XPC: variants seen among roughly 807,000 people sequenced by gnomAD.
The protein encoded by XPC is XPC complex subunit, DNA damage recognition and repair factor, also known as DNA repair protein complementing XP-C cells.
In XPC, 76 loss-of-function variants were observed where a neutral mutation model predicts 95.8. The ratio of observed to expected loss-of-function variants is 0.79; its 90% CI spans 0.66 to 0.96. XPC has a LOEUF of 0.96. XPC is among the 40% of genes least tolerant of loss of function. The pLI, the probability that XPC is intolerant of heterozygous loss-of-function variation, is 0.00. For missense variants in XPC, 1,146 were observed against 1,179.8 expected (o/e 0.97, Z 0.42); for synonymous variants, 442 against 442.1 (o/e 1.00, Z 0.00).
chr3:14,176,200 T>C (rs1024139550), intron 1 of XPC, among the ~76,000 whole-genome samples: 1 of 152,208 alleles, frequency 6.6e-6, no homozygotes, highest in Non-Finnish European at 1.5e-5. Flanking sequence ...AGGTGAAGTG[T>C]TGAGCTGGGA....
At position 14,172,512 on chromosome 3, in the gene XPC, G is replaced by A. The variant is rs540166397; in HGVS notation, c.299+355C>T. 2.0e-4 allele frequency among the ~76,000 whole-genome samples: 30 copies of A among 152,342 alleles called. 1 individual carries two copies. Among genetic ancestry groups the A allele is most frequent in the South Asian group, 1.2e-3 (6 of 4,832 alleles). On this transcript the variant is annotated intron_variant, in intron 2 of 15. Transcript: ENST00000285021. ...TGAGAAGCTCAGGTGGGCCGGAGAA[G>A]AGCGTGCTTGAGGACAGTAGTATGA... is the stretch of plus-strand genomic sequence containing the variant.
At position 14,170,424 on chromosome 3, in the gene XPC, GA is replaced by G. The variant is rs1234128800; in HGVS notation, c.412+13del. On this transcript the variant is annotated intron_variant, in intron 3 of 15. Transcript: ENST00000285021. ...AGAACCAAACAGTTCTGAAAACAAA[GA>G]AAGATGTTTCACCTTCAACCTCTTC... 1 of 1,610,296 alleles carries G rather than the reference GA, an allele frequency of 6.2e-7. No homozygotes were observed. The highest frequency in any genetic ancestry group is 8.5e-7 in the Non-Finnish European group (1 of 1,176,932).
intron 5 of XPC, among the ~76,000 whole-genome samples, chr3:14,166,810 G>C (rs1696398237): frequency 6.6e-6 from 1 of 152,208 alleles, no homozygotes; most frequent in Non-Finnish European, 1.5e-5. Flanking sequence ...CAAGCACCTT[G>C]CTAGGTGTGT....
At chr3:14,167,292 A>G in intron 4 of XPC, 39 bp from the exon 5 acceptor site, 1 of 1,561,652 alleles carries the variant, frequency 6.4e-7, no homozygotes, top group African/African-American at 1.4e-5. Flanking sequence ...TGAAGGGGGG[A>G]ACTGAAACCA....
intron 2 of XPC, among the ~76,000 whole-genome samples, chr3:14,172,516 G>C (rs556583739): frequency 6.6e-6 from 1 of 152,192 alleles, no homozygotes; most frequent in Admixed American, 6.5e-5. Context: ...GGAGAAGAGC[G>C]TGCTTGAGGA....
intron 15 of XPC, among the ~76,000 whole-genome samples, chr3:14,146,683 G>A (rs1335221195): frequency 2.6e-5 from 4 of 152,194 alleles, no homozygotes; most frequent in South Asian, 4.1e-4. Context: ...AATGAGGAGC[G>A]TGACAAAAAA....
intron 7 of XPC, among the ~76,000 whole-genome samples, chr3:14,163,921 C>A (rs1384083066): frequency 2.0e-5 from 3 of 152,170 alleles, no homozygotes; most frequent in Non-Finnish European, 4.4e-5. Flanking sequence ...TGGTGGTGGG[C>A]ACCTGTAATC....
chr3:14,162,769 G>T (rs1487438307), intron 7 of XPC, among the ~76,000 whole-genome samples: 3 of 152,146 alleles, frequency 2.0e-5, no homozygotes, highest in African/African-American at 7.2e-5. Flanking sequence ...AGGTAACTTG[G>T]ACTTTGTCAA....
At chr3:14,148,315 G>T in intron 13 of XPC, 1 of 614,642 alleles carries the variant, frequency 1.6e-6, no homozygotes, top group Non-Finnish European at 2.8e-6. Context: ...TCACTAGCCT[G>T]TGAGTCCCTA....
At chr3:14,175,374 C>G (rs1488388770) in intron 1 of XPC, among the ~76,000 whole-genome samples, 1 of 152,142 alleles carries the variant, frequency 6.6e-6, no homozygotes, top group African/African-American at 2.4e-5. Context: ...GCATTTTCTG[C>G]TATGTACCCA....
At chr3:14,160,073 G>A (rs1696108714) in intron 7 of XPC, among the ~76,000 whole-genome samples, 1 of 152,112 alleles carries the variant, frequency 6.6e-6, no homozygotes, top group Non-Finnish European at 1.5e-5. Context: ...CCTTTAAAAA[G>A]TATGATGTGA....
chr3:14,165,322 T>G, intron 6 of XPC, 106 bp downstream of exon 6: 1 of 1,377,990 alleles, frequency 7.3e-7, no homozygotes, highest in Non-Finnish European at 9.7e-7. Flanking sequence ...ACCTGATACA[T>G]AGTTACCGCC....
chr3:14,160,792 G>A (rs1361677630), intron 7 of XPC, among the ~76,000 whole-genome samples: 1 of 152,200 alleles, frequency 6.6e-6, no homozygotes, highest in Non-Finnish European at 1.5e-5. Context: ...GTTTCTTCTT[G>A]TACAGCATGG....
At chr3:14,159,141 T>C (rs934380746) in intron 8 of XPC, among the ~76,000 whole-genome samples, 1 of 152,176 alleles carries the variant, frequency 6.6e-6, no homozygotes, top group Non-Finnish European at 1.5e-5. Flanking sequence ...GAAAAGAACA[T>C]GGGATTTGGA....
At chr3:14,171,441 T>C (rs956123447) in intron 2 of XPC, among the ~76,000 whole-genome samples, 3 of 152,184 alleles carry the variant, frequency 2.0e-5, no homozygotes, top group Non-Finnish European at 4.4e-5. Flanking sequence ...GACCCAGAGC[T>C]TTCCTTGGCA....
intron 14 of XPC, chr3:14,147,592 G>T (rs1417606081): frequency 3.3e-6 from 2 of 613,746 alleles, no homozygotes; most frequent in South Asian, 4.2e-5. Context: ...CTTTTTAATC[G>T]TTACTGACTC....
intron 7 of XPC, among the ~76,000 whole-genome samples, chr3:14,161,702 T>A (rs565535230): frequency 6.7e-6 from 1 of 149,736 alleles, no homozygotes; most frequent in Non-Finnish European, 1.5e-5. Flanking sequence ...CCAGATCTAG[T>A]ATGATACTTA....
At position 14,145,556 on chromosome 3, in the gene XPC, C is replaced by A. The variant is rs1455256893; in HGVS notation, c.*385G>T. ...AACTGGAAGAAACGATCAGCGCATTCACGGATGCACCACCATCCAGAAATC... is the reference window on the plus strand; with the variant it reads ...AACTGGAAGAAACGATCAGCGCATTAACGGATGCACCACCATCCAGAAATC... On this transcript the variant is annotated 3_prime_UTR_variant, in exon 16 of 16. Coordinates refer to ENST00000285021, the MANE Select transcript of XPC (RefSeq NM_004628.5). 3.6e-5 allele frequency: 25 copies of A among 699,918 alleles called. No homozygotes were observed. The highest frequency in any genetic ancestry group is 6.2e-5 in the Non-Finnish European group (24 of 384,820). 43.4% of individuals were successfully genotyped at this position (699,918 alleles called of 1,614,324 possible).
At position 14,168,375 on chromosome 3, in the gene XPC, T is replaced by C. The variant is rs780489434; in HGVS notation, c.418A>G (p.Ser140Gly). 1.2e-6 allele frequency: 2 copies of C among 1,613,868 alleles called. No individual in the cohort carries two copies. Among genetic ancestry groups the C allele is most frequent in the African/African-American group, 1.3e-5 (1 of 75,030 alleles). Residue 140 changes from serine to glycine, a missense_variant, in exon 4 of 16, where the codon AGT becomes GGT. Coordinates refer to ENST00000285021, the MANE Select transcript of XPC (RefSeq NM_004628.5). The part of the protein sequence containing the change: ...ENDWEEVEEL[S>G]EPVLGDVRES... The stretch of plus-strand genomic sequence containing the variant: ...CTCACGTCACCCAGCACAGGCTCAC[T>C]AAGTTCTATCAACAAGCATTTTTAA...
Sources: allele counts gnomAD v4.1 joint callset (sites outside exome capture counted in the v4.1 genomes callset), GRCh38; gene constraint gnomAD v4.1.1; transcripts MANE v1.5; gene names NCBI Gene and HGNC (gene_info 2026-07-23, HGNC 2026-07-21).